TMEFF2: variants seen among roughly 807,000 people sequenced by gnomAD.
TMEFF2 encodes the protein transmembrane protein with EGF like and two follistatin like domains 2.
TMEFF2 carries 28 observed loss-of-function variants against 53.8 expected under a neutral mutation model. The observed-to-expected ratio is 0.52, with a 90% CI of 0.39 to 0.71. The LOEUF is 0.71. Ranked by LOEUF, TMEFF2 falls within the 30% of genes least tolerant of loss-of-function variation. TMEFF2 has a pLI of 0.00. For synonymous variants in TMEFF2, 162 were observed against 166.3 expected (o/e 0.97, Z 0.20); for missense variants, 353 against 455.2 (o/e 0.78, Z 2.04).
At chr2:192,058,515 A>AC in intron 4 of TMEFF2, among the ~76,000 whole-genome samples, 1 of 152,300 alleles carries the variant, frequency 6.6e-6, no homozygotes, top group South Asian at 2.1e-4. Context: ...AAGTGCAAAA[A>AC]TAGGCAATAT....
chr2:192,035,707 T>C (rs1288252236), intron 5 of TMEFF2, among the ~76,000 whole-genome samples: 1 of 152,238 alleles, frequency 6.6e-6, no homozygotes, highest in African/African-American at 2.4e-5. Flanking sequence ...ATTAGATTTA[T>C]CTGAACTCCT....
chr2:192,014,588 T>C (rs11677655), intron 5 of TMEFF2, among the ~76,000 whole-genome samples: 63,710 of 152,032 alleles, frequency 0.42, 14,491 homozygotes, highest in East Asian at 0.58. Context: ...GGTTACTGTC[T>C]GCTGTAAGCC....
intron 4 of TMEFF2, among the ~76,000 whole-genome samples, chr2:192,115,991 C>T (rs1000547992): frequency 6.6e-6 from 1 of 151,860 alleles, no homozygotes; most frequent in Non-Finnish European, 1.5e-5. Context: ...TGGGTATATA[C>T]CAGAGGAAAT....
At chr2:192,030,067 A>ATGGAG (rs951109997) in intron 5 of TMEFF2, among the ~76,000 whole-genome samples, 2 of 152,238 alleles carry the variant, frequency 1.3e-5, no homozygotes, top group Non-Finnish European at 2.9e-5. Flanking sequence ...GATCTAGGGC[A>ATGGAG]TGGAGATGAG....
chr2:191,978,155 T>C (rs1194993040), intron 7 of TMEFF2, among the ~76,000 whole-genome samples: 1 of 152,162 alleles, frequency 6.6e-6, no homozygotes, highest in Non-Finnish European at 1.5e-5. Flanking sequence ...GTTCCTTTAA[T>C]ATCTGCCACA....
intron 4 of TMEFF2, among the ~76,000 whole-genome samples, chr2:192,083,055 G>A (rs1265749241): frequency 2.0e-5 from 3 of 150,192 alleles, no homozygotes; most frequent in Admixed American, 2.0e-4. Flanking sequence ...TTTTCGTTAG[G>A]GACACATAAT....
At chr2:192,148,062 T>C (rs1421121712) in intron 4 of TMEFF2, among the ~76,000 whole-genome samples, 1 of 152,016 alleles carries the variant, frequency 6.6e-6, no homozygotes, top group Non-Finnish European at 1.5e-5. Flanking sequence ...GAAAGCTCAA[T>C]CATGTGTCCC....
intron 5 of TMEFF2, among the ~76,000 whole-genome samples, chr2:192,042,111 T>G (rs996609998): frequency 6.6e-6 from 1 of 151,684 alleles, no homozygotes; most frequent in Admixed American, 6.6e-5. Context: ...TGAGGCAGGA[T>G]AATCACTTAA....
intron 5 of TMEFF2, among the ~76,000 whole-genome samples, chr2:192,040,347 G>C (rs187947999): frequency 6.6e-6 from 1 of 151,680 alleles, no homozygotes; most frequent in East Asian, 1.9e-4. Context: ...TATTCAACTC[G>C]AATTTTCTCT....
At chr2:192,086,228 T>C (rs1574359941) in intron 4 of TMEFF2, among the ~76,000 whole-genome samples, 1 of 152,198 alleles carries the variant, frequency 6.6e-6, no homozygotes, top group African/African-American at 2.4e-5. Context: ...TGACTTATTT[T>C]TGCCTTCATA....
chr2:192,066,065 C>A (rs1461122166), intron 4 of TMEFF2, among the ~76,000 whole-genome samples: 2 of 151,614 alleles, frequency 1.3e-5, no homozygotes, highest in Admixed American at 1.3e-4. Context: ...TCCCTAGAAA[C>A]CCCAATATGA....
intron 4 of TMEFF2, chr2:192,177,210 T>TC (rs1256973501): frequency 6.6e-6 from 1 of 151,122 alleles, no homozygotes; most frequent in Non-Finnish European, 1.5e-5. Flanking sequence ...GATTCTGCCC[T>TC]CTCAAAACCT....
At chr2:191,998,411 T>C (rs1686276322) in intron 6 of TMEFF2, 90 bp from the exon 7 acceptor site, 3 of 950,708 alleles carry the variant, frequency 3.2e-6, no homozygotes, top group South Asian at 3.3e-5. Flanking sequence ...AATATCTTCA[T>C]TGCAATTAAG....
chr2:192,036,014 T>C (rs1274392689), intron 5 of TMEFF2: 1 of 152,232 alleles, frequency 6.6e-6, no homozygotes, highest in Non-Finnish European at 1.5e-5. Context: ...GTGGATCAAA[T>C]GACACAGTAA....
Position 192,075,326 on chromosome 2 carries a change from T to TAC in TMEFF2, c.440-17552_440-17551insGT, listed in dbSNP as rs1340525692. On this transcript the variant is annotated intron_variant, in intron 4 of 9. Coordinates refer to ENST00000272771, the MANE Select transcript of TMEFF2 (RefSeq NM_016192.4). ...ATATATATATATATATATATATATA[T>TAC]ATATATACATACATACTATGTATAT... 1.8e-4 allele frequency among the ~76,000 whole-genome samples: 9 copies of TAC among 48,664 alleles called. 1 individual carries two copies. The highest frequency in any genetic ancestry group is 1.8e-3 in the East Asian group (2 of 1,134). The allele number at this position is 48,664 out of a possible 152,430, so 31.9% of individuals were successfully genotyped here.
chr2:191,957,169 T>G (rs1480561381), intron 7 of TMEFF2, among the ~76,000 whole-genome samples: 1 of 152,236 alleles, frequency 6.6e-6, no homozygotes, highest in Non-Finnish European at 1.5e-5. Flanking sequence ...TCATAGATAT[T>G]TGAAATTTTT....
intron 4 of TMEFF2, among the ~76,000 whole-genome samples, chr2:192,135,828 C>T (rs1024152555): frequency 4.0e-5 from 6 of 151,736 alleles, no homozygotes; most frequent in Non-Finnish European, 8.8e-5. Flanking sequence ...GTGATTTGTT[C>T]CTGCCCCACC....
At chr2:191,975,657 C>T (rs578020876) in intron 7 of TMEFF2, among the ~76,000 whole-genome samples, 7 of 152,134 alleles carry the variant, frequency 4.6e-5, no homozygotes, top group African/African-American at 1.2e-4. Flanking sequence ...TTACTGTGTC[C>T]TGGCTGTGGC....
chr2:192,066,119 CAT>C (rs897973083), intron 4 of TMEFF2, among the ~76,000 whole-genome samples: 6 of 151,326 alleles, frequency 4.0e-5, no homozygotes, highest in African/African-American at 1.5e-4. Flanking sequence ...CCTTTTTTTT[CAT>C]AGATTATGAT....
Sources: gnomAD v4.1 joint callset for allele counts (sites outside exome capture counted in the v4.1 genomes callset) on GRCh38, gnomAD v4.1.1 for gene constraint, MANE v1.5 for transcripts, NCBI Gene and HGNC (gene_info 2026-07-23, HGNC 2026-07-21) for gene names.